UBE2E1: variants seen among roughly 807,000 people sequenced by gnomAD.
UBE2E1 encodes the protein ubiquitin-conjugating enzyme E2 E1.
UBE2E1 carries 6 observed loss-of-function variants against 21.4 expected under a neutral mutation model. The ratio of observed to expected loss-of-function variants is 0.28; its 90% CI spans 0.15 to 0.55. The LOEUF (loss-of-function observed/expected upper bound fraction) is 0.55. Among genes scored for constraint, UBE2E1 ranks in the 20% least tolerant of loss-of-function variants. The probability of loss-of-function intolerance (pLI) is 0.93; values close to 1 mark genes in which losing one functional copy is unlikely to be tolerated. For missense variants in UBE2E1, 142 were observed against 236.5 expected (o/e 0.60, Z 2.62); for synonymous variants, 87 against 82.7 (o/e 1.05, Z -0.28).
intron 3 of UBE2E1, among the ~76,000 whole-genome samples, chr3:23,873,951 CAGTG>C (rs1347018197): frequency 4.6e-5 from 7 of 152,192 alleles, no homozygotes; most frequent in African/African-American, 1.4e-4. Flanking sequence ...TCATATCACA[CAGTG>C]AGCAAAAAAT....
At chr3:23,855,007 A>G (rs2125309774) in intron 3 of UBE2E1, among the ~76,000 whole-genome samples, 1 of 152,314 alleles carries the variant, frequency 6.6e-6, no homozygotes, top group East Asian at 1.9e-4. Flanking sequence ...TTAGAGCCGT[A>G]ATTATTTTGT....
At chr3:23,807,164 A>G (rs1699297103) in intron 1 of UBE2E1, 73 bp from the exon 2 acceptor site, 1 of 1,337,914 alleles carries the variant, frequency 7.5e-7, no homozygotes, top group African/African-American at 1.5e-5. Flanking sequence ...TGCCCTCCTG[A>G]CAGCACCCGA....
intron 3 of UBE2E1, among the ~76,000 whole-genome samples, chr3:23,884,459 G>A (rs975415603): frequency 2.0e-5 from 3 of 152,090 alleles, no homozygotes; most frequent in African/African-American, 4.8e-5. Context: ...CTCAATCATC[G>A]GGCCTGGGGT....
At position 23,808,699 on chromosome 3, in the gene UBE2E1, GT is replaced by G. The variant is rs1172625266; in HGVS notation, c.152+1281del. 1 of 152,222 alleles carries G rather than the reference GT, an allele frequency of 6.6e-6. No homozygotes were observed. The highest frequency in any genetic ancestry group is 1.5e-5 in the Non-Finnish European group (1 of 68,066). 9.4% of individuals were successfully genotyped at this position (152,222 alleles called of 1,614,324 possible). ...GATTGTTCTCATTTTTATAGGTTTG[GT>G]TTGATTGTACAGCTTCTCAGGAGGC... is the stretch of plus-strand genomic sequence containing the variant. On this transcript the variant is annotated intron_variant, in intron 2 of 5. Coordinates refer to ENST00000306627, the MANE Select transcript of UBE2E1 (RefSeq NM_003341.5). The surrounding 1 kb of genome is among the most constrained non-coding windows in gnomAD (Gnocchi z 4.9).
rs1218856103 is a variant in UBE2E1 at position 23,842,199 on chromosome 3, GTGT to G, written c.203+30690_203+30692del. Among the ~76,000 whole-genome samples the G allele has an allele frequency of 3.9e-3, 221 of 56,244 alleles. 4 individuals carry two copies. The highest frequency in any genetic ancestry group is 0.025 in the Admixed American group (121 of 4,804). 36.9% of individuals were successfully genotyped at this position (56,244 alleles called of 152,430 possible). A position where few individuals can be genotyped will look rare whatever the true frequency, so the allele number is the denominator to read the frequency against. The stretch of plus-strand genomic sequence containing the variant: ...ATGTCATGACCCAGTAAGTGAAGGG[GTGT>G]GTGTGTGTGTGTGTGTGTGTGTGTG... On this transcript the variant is annotated intron_variant, in intron 3 of 5. Coordinates refer to ENST00000306627, the MANE Select transcript of UBE2E1 (RefSeq NM_003341.5). This position sits in a 1 kb window ranked among gnomAD's most constrained non-coding sequence, Gnocchi z 4.6.
chr3:23,872,402 C>T, intron 3 of UBE2E1, among the ~76,000 whole-genome samples: 1 of 151,668 alleles, frequency 6.6e-6, no homozygotes. Context: ...GAGGGAGAGG[C>T]CTATTTAAAA....
chr3:23,887,870 T>C lies in UBE2E1; in HGVS notation c.336+171T>C. The C allele has an allele frequency of 1.2e-6, 1 of 851,486 alleles. No homozygotes were observed. The highest frequency in any genetic ancestry group is 1.7e-6 in the Non-Finnish European group (1 of 576,946). The allele number at this position is 851,486 out of a possible 1,614,324, so 52.7% of individuals were successfully genotyped here. A position where few individuals can be genotyped will look rare whatever the true frequency, so the allele number is the denominator to read the frequency against. On this transcript the variant is annotated intron_variant, in intron 4 of 5. Coordinates refer to ENST00000306627, the MANE Select transcript of UBE2E1 (RefSeq NM_003341.5). This position sits in a 1 kb window ranked among gnomAD's most constrained non-coding sequence, Gnocchi z 4.4. ...TTCTTTAGGTTGATTTTGCCTTATC[T>C]GGCAGAGACCATTCTAGGATTAAGT...
chr3:23,838,354 A>G (rs1269117080), intron 3 of UBE2E1, among the ~76,000 whole-genome samples: 1 of 152,168 alleles, frequency 6.6e-6, no homozygotes, highest in African/African-American at 2.4e-5. Context: ...GGCATGAACC[A>G]CCATGCCTGG....
intron 3 of UBE2E1, among the ~76,000 whole-genome samples, chr3:23,886,508 C>T (rs551051713): frequency 6.6e-6 from 1 of 152,282 alleles, no homozygotes; most frequent in Non-Finnish European, 1.5e-5. Flanking sequence ...AACTTGTATT[C>T]TCCTCTGCTT....
At chr3:23,888,157 TAGA>T in intron 4 of UBE2E1, 1 of 454,392 alleles carries the variant, frequency 2.2e-6, no homozygotes, top group South Asian at 1.6e-5. Context: ...GCCAAACAAC[TAGA>T]GAATCAGAAT....
intron 3 of UBE2E1, among the ~76,000 whole-genome samples, chr3:23,835,618 G>A (rs1423431805): frequency 6.7e-5 from 4 of 60,110 alleles, no homozygotes; most frequent in Admixed American, 3.5e-4. Context: ...TAATGTATAC[G>A]TTTTAAAATT....
rs1699983475 is a variant in UBE2E1 at position 23,836,773 on chromosome 3, G to T, written c.203+25263G>T. On this transcript the variant is annotated intron_variant, in intron 3 of 5. Coordinates refer to ENST00000306627, the MANE Select transcript of UBE2E1 (RefSeq NM_003341.5). This position sits in a 1 kb window ranked among gnomAD's most constrained non-coding sequence, Gnocchi z 4.1. ...TCTCTACCGTGTCCCTCAGGGGCAT[G>T]TGAAAGTAAATGACATATGACAGAC... is the stretch of plus-strand genomic sequence containing the variant. 6.6e-6 allele frequency among the ~76,000 whole-genome samples: 1 copy of T among 152,178 alleles called. No homozygotes were observed. Among genetic ancestry groups the T allele is most frequent in the Non-Finnish European group, 1.5e-5 (1 of 68,038 alleles).
At chr3:23,838,799 C>CT (rs989649527) in intron 3 of UBE2E1, among the ~76,000 whole-genome samples, 1 of 151,900 alleles carries the variant, frequency 6.6e-6, no homozygotes, top group African/African-American at 2.4e-5. Flanking sequence ...CGTGCCAGGC[C>CT]TGATATAATT....
rs891383092 is a variant in UBE2E1, at chr3:23,863,047, T to C, written c.204-24520T>C. Among the ~76,000 whole-genome samples, 1 of 90,320 alleles carries C rather than the reference T, an allele frequency of 1.1e-5. No individual in the cohort carries two copies. Among genetic ancestry groups the C allele is most frequent in the Admixed American group, 1.3e-4 (1 of 7,690 alleles). The allele number at this position is 90,320 out of a possible 152,430, so 59.3% of individuals were successfully genotyped here. A position where few individuals can be genotyped will look rare whatever the true frequency, so the allele number is the denominator to read the frequency against. ...TAGTTTAAAGGCTTTAATATTTCTT[T>C]GTTTGTTAAAAAAAAAAAAAAAAAC... is the stretch of plus-strand genomic sequence containing the variant. On this transcript the variant is annotated intron_variant, in intron 3 of 5. Coordinates refer to ENST00000306627, the MANE Select transcript of UBE2E1 (RefSeq NM_003341.5). The surrounding 1 kb of genome is among the most constrained non-coding windows in gnomAD (Gnocchi z 4.3).
At chr3:23,882,899 T>C (rs976688018) in intron 3 of UBE2E1, among the ~76,000 whole-genome samples, 8 of 152,142 alleles carry the variant, frequency 5.3e-5, no homozygotes, top group African/African-American at 1.9e-4. Flanking sequence ...GCAGCCCCAG[T>C]TCCCACCCGC....
chr3:23,883,043 G>A (rs923460802), intron 3 of UBE2E1, among the ~76,000 whole-genome samples: 1 of 152,204 alleles, frequency 6.6e-6, no homozygotes, highest in Non-Finnish European at 1.5e-5. Flanking sequence ...CCAAGGCTGA[G>A]GAGGCACCAA....
chr3:23,851,018 T>G (rs1215851597), intron 3 of UBE2E1, among the ~76,000 whole-genome samples: 1 of 152,064 alleles, frequency 6.6e-6, no homozygotes, highest in Non-Finnish European at 1.5e-5. Context: ...AGTTTCATAC[T>G]TTTAGTTTTT....
intron 3 of UBE2E1, among the ~76,000 whole-genome samples, chr3:23,813,115 T>C (rs548269165): frequency 6.6e-6 from 1 of 152,304 alleles, no homozygotes; most frequent in East Asian, 1.9e-4. Flanking sequence ...CCCTCCCAAT[T>C]ACCCCTTCAA....
Position 23,829,311 on chromosome 3 carries a change from C to T in UBE2E1, c.203+17801C>T, listed in dbSNP as rs902087473. On this transcript the variant is annotated intron_variant, in intron 3 of 5. Transcript: ENST00000306627. ...AAGTAGCTGGGACAACAGGTGCACT[C>T]CACAAAGTCCAGCTTTTTTTTTTTT... 6.1e-5 allele frequency among the ~76,000 whole-genome samples: 8 copies of T among 132,158 alleles called. No homozygotes were observed. In the East Asian group the frequency reaches 1.6e-3, roughly 27 times the overall value. 86.7% of individuals were successfully genotyped at this position (132,158 alleles called of 152,430 possible).
Sources: gnomAD v4.1 joint callset for allele counts (sites outside exome capture counted in the v4.1 genomes callset) on GRCh38, gnomAD v4.1.1 for gene constraint, Gnocchi (gnomAD v3.1) non-coding constraint, MANE v1.5 for transcripts, NCBI Gene and HGNC (gene_info 2026-07-23, HGNC 2026-07-21) for gene names.